The following MARCHF11 variants were observed in gnomAD, a reference collection of about 807,000 sequenced individuals.
The protein encoded by MARCHF11 is membrane associated ring-CH-type finger 11.
A neutral mutation model predicts 37.3 loss-of-function variants in MARCHF11; 29 were observed. The ratio of observed to expected loss-of-function variants is 0.78; its 90% CI spans 0.58 to 1.06. The LOEUF is 1.06. Ranked by LOEUF, MARCHF11 falls within the 50% of genes least tolerant of loss-of-function variation. The probability of loss-of-function intolerance (pLI) is 0.00; values close to 1 mark genes in which losing one functional copy is unlikely to be tolerated. For missense variants in MARCHF11, 482 were observed against 533.4 expected (o/e 0.90, Z 0.95); for synonymous variants, 233 against 228.0 (o/e 1.02, Z -0.20).
At chr5:16,177,941 A>G (rs1230118117) in intron 1 of MARCHF11, 60 bp from the exon 2 acceptor site, 1 of 1,476,852 alleles carries the variant, frequency 6.8e-7, no homozygotes. Flanking sequence ...TAAAAACCTA[A>G]TGCTTCCTTT....
At chr5:16,069,948 A>G (rs950691966) in intron 3 of MARCHF11, among the ~76,000 whole-genome samples, 1 of 152,234 alleles carries the variant, frequency 6.6e-6, no homozygotes, top group Admixed American at 6.5e-5. Context: ...GTGACTTACA[A>G]GCATTCCAAA....
intron 3 of MARCHF11, among the ~76,000 whole-genome samples, chr5:16,081,836 C>A (rs1736614830): frequency 6.6e-6 from 1 of 152,176 alleles, no homozygotes. Flanking sequence ...TGTTTTCCCC[C>A]CTTGAGGGGG....
At chr5:16,114,271 T>C (rs1343986231) in intron 2 of MARCHF11, among the ~76,000 whole-genome samples, 1 of 152,208 alleles carries the variant, frequency 6.6e-6, no homozygotes, top group East Asian at 1.9e-4. Flanking sequence ...TTCTAATATT[T>C]TATATCGAGA....
Position 16,091,163 on chromosome 5 carries a change from T to C in MARCHF11, c.694-82A>G, listed in dbSNP as rs868553723. 1.6e-5 allele frequency: 18 copies of C among 1,151,214 alleles called. No individual in the cohort carries two copies. In the Middle Eastern group the frequency reaches 8.8e-4, roughly 57 times the overall value. The allele number at this position is 1,151,214 out of a possible 1,614,324, so 71.3% of individuals were successfully genotyped here. A position where few individuals can be genotyped will look rare whatever the true frequency, so the allele number is the denominator to read the frequency against. On this transcript the variant is annotated intron_variant, in intron 2 of 3. Coordinates refer to ENST00000332432, the MANE Select transcript of MARCHF11 (RefSeq NM_001102562.3). Reference sequence around the variant, plus strand: ...AAAAACATTTTCAGTCCTGTGTTTCTTTTCATAATGTTAGACCCTTTGAAA... The same window carrying C: ...AAAAACATTTTCAGTCCTGTGTTTCCTTTCATAATGTTAGACCCTTTGAAA...
intron 3 of MARCHF11, among the ~76,000 whole-genome samples, chr5:16,088,341 A>T (rs1736734191): frequency 6.6e-6 from 1 of 151,926 alleles, no homozygotes; most frequent in African/African-American, 2.4e-5. Context: ...AAAGTGGGTG[A>T]CTCTTATTTT....
At chr5:16,079,578 CT>C (rs1248583093) in intron 3 of MARCHF11, among the ~76,000 whole-genome samples, 1 of 152,210 alleles carries the variant, frequency 6.6e-6, no homozygotes, top group Non-Finnish European at 1.5e-5. Context: ...GCCACATGGC[CT>C]TGTGGATCTT....
At chr5:16,176,793 G>A (rs1738371906) in intron 2 of MARCHF11, among the ~76,000 whole-genome samples, 1 of 152,018 alleles carries the variant, frequency 6.6e-6, no homozygotes, top group Admixed American at 6.6e-5. Context: ...ATAGCAACAA[G>A]GAACACGAGA....
intron 2 of MARCHF11, among the ~76,000 whole-genome samples, chr5:16,142,397 C>T (rs946691561): frequency 1.6e-4 from 25 of 152,132 alleles, no homozygotes; most frequent in African/African-American, 5.6e-4. Flanking sequence ...AGCATTGGGA[C>T]GGATTTCAAA....
chr5:16,122,325 C>T (rs1028211298), intron 2 of MARCHF11, among the ~76,000 whole-genome samples: 5 of 152,150 alleles, frequency 3.3e-5, no homozygotes, highest in East Asian at 3.9e-4. Context: ...GATGCTTCTC[C>T]ATGGTCTTCA....
chr5:16,146,619 A>G (rs545922212), intron 2 of MARCHF11, among the ~76,000 whole-genome samples: 1 of 152,304 alleles, frequency 6.6e-6, no homozygotes, highest in East Asian at 1.9e-4. Flanking sequence ...AGCTCCAAGG[A>G]CTGAAGACCT....
intron 2 of MARCHF11, among the ~76,000 whole-genome samples, chr5:16,110,581 G>A (rs1197321322): frequency 6.6e-6 from 1 of 152,026 alleles, no homozygotes; most frequent in Admixed American, 6.6e-5. Flanking sequence ...GAAATGATCT[G>A]GTCCAAACTC....
At chr5:16,072,920 GACAC>G (rs1229558062) in intron 3 of MARCHF11, among the ~76,000 whole-genome samples, 1 of 152,140 alleles carries the variant, frequency 6.6e-6, no homozygotes, top group African/African-American at 2.4e-5. Context: ...TAATGTCAGT[GACAC>G]ACAAGGATGG....
Position 16,067,447 on chromosome 5 carries a change from A to G in MARCHF11, c.*24T>C. ...CATTGCAAAATGTGCAGGGTGGTCC[A>G]CACTGCATCATCTTATGCTTTTGTC... On this transcript the variant is annotated 3_prime_UTR_variant, in exon 4 of 4. Coordinates refer to ENST00000332432, the MANE Select transcript of MARCHF11 (RefSeq NM_001102562.3). 6.2e-7 allele frequency: 1 copy of G among 1,603,598 alleles called. No individual in the cohort carries two copies. Among genetic ancestry groups the G allele is most frequent in the South Asian group, 1.1e-5 (1 of 90,264 alleles).
chr5:16,117,434 C>T (rs1737241193), intron 2 of MARCHF11, among the ~76,000 whole-genome samples: 1 of 152,222 alleles, frequency 6.6e-6, no homozygotes, highest in Admixed American at 6.5e-5. Flanking sequence ...TAAGGACCAG[C>T]TTCCTTCTTT....
intron 3 of MARCHF11, among the ~76,000 whole-genome samples, chr5:16,082,015 A>G (rs766691943): frequency 7.9e-5 from 12 of 152,210 alleles, no homozygotes; most frequent in Non-Finnish European, 5.9e-5. Context: ...CATCAGTATG[A>G]TTAAGGCATA....
intron 2 of MARCHF11, among the ~76,000 whole-genome samples, chr5:16,109,972 A>G (rs926709183): frequency 6.6e-6 from 1 of 152,184 alleles, no homozygotes; most frequent in Non-Finnish European, 1.5e-5. Flanking sequence ...CACCATCTCT[A>G]GAACATATGT....
chr5:16,093,768 A>C (rs1178972567), intron 2 of MARCHF11, among the ~76,000 whole-genome samples: 1 of 152,220 alleles, frequency 6.6e-6, no homozygotes, highest in Non-Finnish European at 1.5e-5. Context: ...GCAAGGAAAA[A>C]AAGAACAACC....
chr5:16,153,920 A>C lies in MARCHF11; in HGVS notation c.693+23806T>G, dbSNP rs894709831. 1.3e-5 allele frequency among the ~76,000 whole-genome samples: 2 copies of C among 151,434 alleles called. 1 individual carries two copies. Among genetic ancestry groups the C allele is most frequent in the African/African-American group, 4.9e-5 (2 of 41,208 alleles). On this transcript the variant is annotated intron_variant, in intron 2 of 3. Transcript: ENST00000332432. ...GATGTGCCTTCCCCTCTTTTTCCTC[A>C]CTCCATGGGGAATGTGGATGTGATG...
chr5:16,083,467 C>G (rs1012769287), intron 3 of MARCHF11, among the ~76,000 whole-genome samples: 1 of 152,152 alleles, frequency 6.6e-6, no homozygotes, highest in Non-Finnish European at 1.5e-5. Context: ...AATCCAAAGG[C>G]CTTACCAACA....
Sources: gnomAD v4.1 joint callset for allele counts (sites outside exome capture counted in the v4.1 genomes callset) on GRCh38, gnomAD v4.1.1 for gene constraint, MANE v1.5 for transcripts, NCBI Gene and HGNC (gene_info 2026-07-23, HGNC 2026-07-21) for gene names.